Variants in IRF2 observed in about 807,000 individuals in gnomAD.
IRF2 encodes the protein interferon regulatory factor 2.
IRF2 carries 15 observed loss-of-function variants against 40.6 expected under a neutral mutation model. That is an observed-to-expected ratio of 0.37 (90% CI 0.25 to 0.57). IRF2 has a LOEUF of 0.57. IRF2 is among the 20% of genes least tolerant of loss of function. The pLI is 0.77. For missense variants in IRF2, 317 were observed against 455.7 expected, an observed-to-expected ratio of 0.70 and a Z score of 2.77; for synonymous variants, 151 against 165.5, an observed-to-expected ratio of 0.91 and a Z score of 0.67.
intron 7 of IRF2, among the ~76,000 whole-genome samples, chr4:184,392,282 G>A (rs1736285927): frequency 6.6e-6 from 1 of 152,142 alleles, no homozygotes; most frequent in African/African-American, 2.4e-5. Context: ...ACCTTTAACT[G>A]CCTTTCCTCC....
intron 1 of IRF2, among the ~76,000 whole-genome samples, chr4:184,449,569 T>C (rs1031315300): frequency 1.3e-5 from 2 of 152,176 alleles, no homozygotes; most frequent in Non-Finnish European, 2.9e-5. Flanking sequence ...CGGAAGGAGC[T>C]TGCAGCCTAG....
intron 2 of IRF2, among the ~76,000 whole-genome samples, chr4:184,426,819 CA>C (rs1473547031): frequency 6.6e-6 from 1 of 152,214 alleles, no homozygotes; most frequent in Non-Finnish European, 1.5e-5. Context: ...CTTTAGAACA[CA>C]GGAGCATTTG....
chr4:184,429,204 G>T, intron 1 of IRF2, 134 bp from the exon 2 acceptor site: 2 of 676,196 alleles, frequency 3.0e-6, no homozygotes, highest in Non-Finnish European at 5.2e-6. Context: ...TGGGGGGTCG[G>T]TGTACTCAGG....
rs1488421935 is a variant in IRF2 at position 184,388,160 on chromosome 4, C to A, written c.*598G>T. ...AGAAATTCATTTCCTTCTTCTCCTC[C>A]GGATGTGGAATGGAAGCTTTGAGGG... On this transcript the variant is annotated 3_prime_UTR_variant, in exon 9 of 9. Coordinates refer to ENST00000393593, the MANE Select transcript of IRF2 (RefSeq NM_002199.4). This position sits in a 1 kb window ranked among gnomAD's most constrained non-coding sequence, Gnocchi z 4.6. 1 of 149,528 alleles carries A rather than the reference C, an allele frequency of 6.7e-6. No homozygotes were observed. The highest frequency in any genetic ancestry group is 6.7e-5 in the Admixed American group (1 of 15,034). 9.3% of individuals were successfully genotyped at this position (149,528 alleles called of 1,614,324 possible). A position where few individuals can be genotyped will look rare whatever the true frequency, so the allele number is the denominator to read the frequency against.
intron 1 of IRF2, among the ~76,000 whole-genome samples, chr4:184,433,736 G>A (rs1258300935): frequency 2.6e-5 from 4 of 152,148 alleles, no homozygotes; most frequent in Non-Finnish European, 4.4e-5. Flanking sequence ...TCACATGAAG[G>A]CCCTTCTCCT....
intron 6 of IRF2, among the ~76,000 whole-genome samples, chr4:184,399,532 C>A (rs1027476155): frequency 2.0e-5 from 3 of 152,204 alleles, no homozygotes; most frequent in African/African-American, 7.2e-5. Context: ...ATTATCAAAC[C>A]TTACTAAAGA....
Position 184,408,537 on chromosome 4 carries a change from C to A in IRF2, c.412-262G>T, listed in dbSNP as rs747701824. 1.6e-4 allele frequency among the ~76,000 whole-genome samples: 25 copies of A among 152,188 alleles called. 1 individual carries two copies. Among genetic ancestry groups the A allele is most frequent in the Non-Finnish European group, 2.2e-4 (15 of 68,040 alleles). ...TCTGGCTTGCCTTTAGGAAATGCTT[C>A]CACCTGCAGACAATAGCTTTGGGGC... On this transcript the variant is annotated intron_variant, in intron 5 of 8. Coordinates refer to ENST00000393593, the MANE Select transcript of IRF2 (RefSeq NM_002199.4). The surrounding 1 kb of genome is among the most constrained non-coding windows in gnomAD (Gnocchi z 4.9).
chr4:184,390,541 A>C (rs897207910), intron 8 of IRF2, among the ~76,000 whole-genome samples, 162 bp downstream of exon 8: 9 of 152,194 alleles, frequency 5.9e-5, no homozygotes, highest in Non-Finnish European at 1.3e-4. Flanking sequence ...CAAACCCAAA[A>C]GTATGGTAAA....
chr4:184,441,182 C>T (rs1272635328), intron 1 of IRF2, among the ~76,000 whole-genome samples: 1 of 152,220 alleles, frequency 6.6e-6, no homozygotes, highest in African/African-American at 2.4e-5. Context: ...GAGACCAACG[C>T]TCCTTAGGCC....
chr4:184,421,150 T>A (rs912803917), intron 2 of IRF2, among the ~76,000 whole-genome samples: 4 of 152,142 alleles, frequency 2.6e-5, no homozygotes, highest in African/African-American at 9.7e-5. Flanking sequence ...TCTCACATAG[T>A]GAAACACAGA....
At position 184,417,028 on chromosome 4, in the gene IRF2, T is replaced by C. The variant is rs548172843; in HGVS notation, c.411+1139A>G. 3.4e-4 allele frequency among the ~76,000 whole-genome samples: 52 copies of C among 152,180 alleles called. No individual in the cohort carries two copies. In the South Asian group the frequency reaches 0.011, roughly 31 times the overall value. ...GCCATTGCACTCCAGCCTGTGCCAA[T>C]AGAGCAAAACTCCATCTCAGTTTAA... On this transcript the variant is annotated intron_variant, in intron 5 of 8. Coordinates refer to ENST00000393593, the MANE Select transcript of IRF2 (RefSeq NM_002199.4).
At chr4:184,438,694 C>A (rs1207646471) in intron 1 of IRF2, among the ~76,000 whole-genome samples, 1 of 152,120 alleles carries the variant, frequency 6.6e-6, no homozygotes, top group Non-Finnish European at 1.5e-5. Context: ...CCGCGCCTGG[C>A]CTAATATTTT....
chr4:184,418,420 C>T, intron 4 of IRF2, 112 bp downstream of exon 4: 1 of 1,070,634 alleles, frequency 9.3e-7, no homozygotes, highest in Non-Finnish European at 1.4e-6. Flanking sequence ...TCCCCTACAG[C>T]ATGAACAGGC....
chr4:184,402,350 C>T (rs894876431), intron 6 of IRF2, among the ~76,000 whole-genome samples: 2 of 152,142 alleles, frequency 1.3e-5, no homozygotes, highest in East Asian at 3.8e-4. Flanking sequence ...CTTCCTGACC[C>T]GCCAGCACAG....
At chr4:184,425,283 GTATT>G (rs1035468124) in intron 2 of IRF2, among the ~76,000 whole-genome samples, 23 of 152,358 alleles carry the variant, frequency 1.5e-4, no homozygotes, top group African/African-American at 5.5e-4. Context: ...TCTCAGTTAA[GTATT>G]TATATGGACA....
intron 7 of IRF2, among the ~76,000 whole-genome samples, chr4:184,390,975 G>A (rs1474611677): frequency 6.6e-6 from 1 of 152,242 alleles, no homozygotes; most frequent in Non-Finnish European, 1.5e-5. Context: ...CCAGGGCCGG[G>A]CTGTGTATAC....
Position 184,398,902 on chromosome 4 carries a change from C to A in IRF2, c.694+13G>T, listed in dbSNP as rs545600776. 4.6e-5 allele frequency: 73 copies of A among 1,577,926 alleles called. 2 individuals carry two copies. The South Asian group carries it at 7.6e-4, about 16-fold the overall frequency. ...GGTTCCCACGCCTCCCGGAGCCTCC[C>A]GCTGACGCTTACCTGCATAGGAAGA... On this transcript the variant is annotated intron_variant, in intron 7 of 8. Coordinates refer to ENST00000393593, the MANE Select transcript of IRF2 (RefSeq NM_002199.4).
chr4:184,466,741 A>C (rs1739343969), intron 1 of IRF2, among the ~76,000 whole-genome samples: 1 of 152,176 alleles, frequency 6.6e-6, no homozygotes. Flanking sequence ...ACCATTAAGC[A>C]ATTTTGTCAT....
intron 1 of IRF2, among the ~76,000 whole-genome samples, chr4:184,473,075 G>A (rs1326677475): frequency 1.3e-5 from 2 of 151,884 alleles, no homozygotes; most frequent in Non-Finnish European, 2.9e-5. Context: ...GGAGCAGGCG[G>A]GCGCCGCGAT....
Sources: gnomAD v4.1 joint callset for allele counts (sites outside exome capture counted in the v4.1 genomes callset) on GRCh38, gnomAD v4.1.1 for gene constraint, Gnocchi (gnomAD v3.1) non-coding constraint, MANE v1.5 for transcripts, NCBI Gene and HGNC (gene_info 2026-07-23, HGNC 2026-07-21) for gene names.